The following ACBD6 variants were observed in gnomAD, a reference collection of about 807,000 sequenced individuals.
ACBD6 encodes the protein acyl-CoA binding domain containing 6, also known as acyl-CoA-binding domain-containing protein 6.
Under a neutral mutation model 37.2 loss-of-function variants are expected in ACBD6, and 28 were observed. That is an observed-to-expected ratio of 0.75 (90% confidence interval 0.56 to 1.03). The LOEUF is 1.03. ACBD6 is among the 50% of genes least tolerant of loss of function. The pLI is 0.00. For missense variants in ACBD6, 340 were observed against 337.4 expected, an observed-to-expected ratio of 1.01 and a Z score of -0.06; for synonymous variants, 113 against 126.8, an observed-to-expected ratio of 0.89 and a Z score of 0.73.
chr1:180,307,172 C>G (rs1465303116), intron 7 of ACBD6, among the ~76,000 whole-genome samples: 1 of 152,056 alleles, frequency 6.6e-6, no homozygotes, highest in Admixed American at 6.6e-5. Context: ...CACTATTCAG[C>G]CATAAAAAAG....
At chr1:180,405,700 T>G (rs1647595002) in intron 5 of ACBD6, among the ~76,000 whole-genome samples, 1 of 152,308 alleles carries the variant, frequency 6.6e-6, no homozygotes, top group East Asian at 1.9e-4. Context: ...ATCTGAGAAA[T>G]AACGTGTGAC....
chr1:180,444,447 C>T (rs947490296), intron 3 of ACBD6, among the ~76,000 whole-genome samples: 3 of 152,176 alleles, frequency 2.0e-5, no homozygotes, highest in Admixed American at 6.5e-5. Context: ...CACATGGTCA[C>T]AATGTTTTGT....
Position 180,397,792 on chromosome 1 carries a change from C to T in ACBD6, c.574-187G>A, listed in dbSNP as rs149437445. 5.5e-3 allele frequency among the ~76,000 whole-genome samples: 832 copies of T among 152,186 alleles called. 7 individuals carry two copies. The highest frequency in any genetic ancestry group is 0.019 in the African/African-American group (785 of 41,526). ...ATGGGGCAGGGCATGGTGGCTCATG[C>T]CTGTAATCCCAGCACTTTGAAAGGC... On this transcript the variant is annotated intron_variant, in intron 5 of 7. Transcript: ENST00000367595.
At chr1:180,456,255 C>G (rs919497931) in intron 3 of ACBD6, among the ~76,000 whole-genome samples, 2 of 150,112 alleles carry the variant, frequency 1.3e-5, no homozygotes, top group Non-Finnish European at 3.0e-5. Context: ...GTTTTAAATT[C>G]TCAAAGTAGA....
At chr1:180,474,644 G>T (rs1338819090) in intron 3 of ACBD6, among the ~76,000 whole-genome samples, 1 of 152,106 alleles carries the variant, frequency 6.6e-6, no homozygotes, top group Non-Finnish European at 1.5e-5. Flanking sequence ...CTGTTAAAAG[G>T]ACTAATTGAG....
At chr1:180,287,346 G>A (rs1378782479), downstream of ACBD6, 2 of 150,082 alleles carry the variant, frequency 1.3e-5, no homozygotes, top group East Asian at 3.9e-4. Flanking sequence ...GGAGGTTGAG[G>A]CTGTAGTGAA....
rs1648695234 is a variant in ACBD6, at chr1:180,271,969, G to C, written c.*1256C>G. On this transcript the variant is annotated splice_region_variant and 3_prime_UTR_variant, in exon 14 of 14. Transcript: ENST00000642319. ...AGCAGGAGAAGGAGAGCTCTGCAGAGGACTGTGGGGTTAGTGACAGTGAGC... is the reference window on the plus strand; with the variant it reads ...AGCAGGAGAAGGAGAGCTCTGCAGACGACTGTGGGGTTAGTGACAGTGAGC... 1 of 1,613,100 alleles carries C rather than the reference G, an allele frequency of 6.2e-7. No homozygotes were observed.
intron 1 of ACBD6, among the ~76,000 whole-genome samples, chr1:180,498,296 G>A (rs1324091112): frequency 6.6e-6 from 1 of 152,180 alleles, no homozygotes; most frequent in East Asian, 1.9e-4. Flanking sequence ...AACACTTTGA[G>A]TTGTTTTCCT....
chr1:180,286,793 A>G (rs1649515989), downstream of ACBD6, among the ~76,000 whole-genome samples: 1 of 152,222 alleles, frequency 6.6e-6, no homozygotes, highest in Admixed American at 6.5e-5. Flanking sequence ...AGATAGAAAA[A>G]TCACAAAATA....
chr1:180,392,281 G>A (rs67766463), intron 6 of ACBD6, among the ~76,000 whole-genome samples: 166 of 134,540 alleles, frequency 1.2e-3, no homozygotes, highest in Non-Finnish European at 2.1e-3. Context: ...GTGTGTGTGT[G>A]TGTATGTATG....
chr1:180,294,083 C>A, intron 7 of ACBD6, among the ~76,000 whole-genome samples: 1 of 151,904 alleles, frequency 6.6e-6, no homozygotes, highest in Non-Finnish European at 1.5e-5. Flanking sequence ...GTAGTAGAGA[C>A]AGGGTTTCAC....
intron 4 of ACBD6, among the ~76,000 whole-genome samples, chr1:180,419,917 C>T (rs1208109770): frequency 1.3e-5 from 2 of 152,098 alleles, no homozygotes; most frequent in East Asian, 3.9e-4. Context: ...CATAATTTCT[C>T]CCTTTTTAGT....
In ACBD6 at chr1:180,344,468, T is replaced by C. The variant is rs1226302643; in HGVS notation, c.664-29746A>G. Among the ~76,000 whole-genome samples, 4 of 152,198 alleles carry C rather than the reference T, an allele frequency of 2.6e-5. No homozygotes were observed. In the East Asian group the frequency reaches 7.7e-4, roughly 29 times the overall value. On this transcript the variant is annotated intron_variant, in intron 6 of 7. Transcript: ENST00000367595. Reference sequence around the variant, plus strand: ...AGTATGGAATATATTTTTAAAAAAGTATTTTGTAGAAAAACAGTTAAAAAA... The same window carrying C: ...AGTATGGAATATATTTTTAAAAAAGCATTTTGTAGAAAAACAGTTAAAAAA...
intron 6 of ACBD6, among the ~76,000 whole-genome samples, chr1:180,356,819 C>G (rs1286630392): frequency 6.7e-6 from 1 of 148,270 alleles, no homozygotes; most frequent in East Asian, 2.0e-4. Flanking sequence ...CACTTGCACT[C>G]CAGCCTGGGC....
intron 6 of ACBD6, among the ~76,000 whole-genome samples, chr1:180,339,369 A>T (rs1651881482): frequency 6.6e-6 from 1 of 152,260 alleles, no homozygotes; most frequent in Admixed American, 6.5e-5. Context: ...TGATGAGTTA[A>T]TGTCCTTTGT....
At position 180,434,547 on chromosome 1, in the gene ACBD6, G is replaced by A. The variant is rs543298804; in HGVS notation, c.385-4285C>T. On this transcript the variant is annotated intron_variant, in intron 3 of 7. Coordinates refer to ENST00000367595, the MANE Select transcript of ACBD6 (RefSeq NM_032360.4). Reference sequence around the variant, plus strand: ...CCACCTATGAGACTTCATCTATATAGTAAGAACCTTGGTCTCCACAAATCC... The same window carrying A: ...CCACCTATGAGACTTCATCTATATAATAAGAACCTTGGTCTCCACAAATCC... 8.5e-5 allele frequency among the ~76,000 whole-genome samples: 13 copies of A among 152,250 alleles called. No individual in the cohort carries two copies. The South Asian group carries it at 2.7e-3, about 32-fold the overall frequency.
At chr1:180,390,759 G>T (rs1313660357) in intron 6 of ACBD6, among the ~76,000 whole-genome samples, 1 of 152,032 alleles carries the variant, frequency 6.6e-6, no homozygotes, top group East Asian at 1.9e-4. Flanking sequence ...TATTCTCTTT[G>T]AAACAATTGT....
intron 7 of ACBD6, among the ~76,000 whole-genome samples, chr1:180,290,045 T>C (rs1029488000): frequency 6.6e-5 from 10 of 152,148 alleles, no homozygotes; most frequent in Admixed American, 6.5e-4. Context: ...TTAAGCTAAG[T>C]AGTGGGTAAA....
intron 6 of ACBD6, among the ~76,000 whole-genome samples, chr1:180,386,932 G>A (rs1030637270): frequency 2.6e-5 from 4 of 151,934 alleles, no homozygotes; most frequent in Non-Finnish European, 4.4e-5. Flanking sequence ...TTTACCATTC[G>A]AGTTGTGATT....
Sources: allele counts gnomAD v4.1 joint callset (sites outside exome capture counted in the v4.1 genomes callset), GRCh38; gene constraint gnomAD v4.1.1; transcripts MANE v1.5; gene names NCBI Gene and HGNC (gene_info 2026-07-23, HGNC 2026-07-21).